Variants in SGK1 observed in about 807,000 individuals in gnomAD.
The protein encoded by SGK1 is serine/threonine-protein kinase Sgk1.
In SGK1, 26 loss-of-function variants were observed where a neutral mutation model predicts 64.2. That is an observed-to-expected ratio of 0.40 (90% CI 0.30 to 0.56). SGK1 has a LOEUF of 0.56. SGK1 is among the 20% of genes least tolerant of loss of function. SGK1 has a pLI of 0.38. For missense variants in SGK1, 519 were observed against 645.6 expected (o/e 0.80, Z 2.12); for synonymous variants, 265 against 239.7 (o/e 1.11, Z -0.98).
chr6:134,213,786 G>T (rs1775932525), intron 2 of SGK1, among the ~76,000 whole-genome samples: 1 of 152,028 alleles, frequency 6.6e-6, no homozygotes, highest in Non-Finnish European at 1.5e-5. Flanking sequence ...CTGGAATAAG[G>T]ATTCAAGGAG....
At chr6:134,294,697 C>T (rs746053658) in intron 1 of SGK1, among the ~76,000 whole-genome samples, 1 of 152,086 alleles carries the variant, frequency 6.6e-6, no homozygotes, top group Non-Finnish European at 1.5e-5. Flanking sequence ...ACCCCCCCAA[C>T]CAGCTAATTT....
At chr6:134,171,872 T>C (rs572353972) in intron 10 of SGK1, 140 bp from the exon 11 acceptor site, 2 of 652,472 alleles carry the variant, frequency 3.1e-6, no homozygotes, top group African/African-American at 3.6e-5. Flanking sequence ...CTGATAAAAC[T>C]GCTGGACTTT....
intron 3 of SGK1, among the ~76,000 whole-genome samples, chr6:134,204,839 C>G (rs1281398628): frequency 6.6e-6 from 1 of 152,186 alleles, no homozygotes; most frequent in Non-Finnish European, 1.5e-5. Flanking sequence ...CAGGCATGAG[C>G]CACCACACCC....
At chr6:134,242,658 T>C (rs1163022912) in intron 2 of SGK1, among the ~76,000 whole-genome samples, 1 of 151,634 alleles carries the variant, frequency 6.6e-6, no homozygotes, top group African/African-American at 2.4e-5. Flanking sequence ...AGAAATGGGG[T>C]CTTGCTATGT....
At chr6:134,279,293 G>A (rs1253003593) in intron 1 of SGK1, among the ~76,000 whole-genome samples, 6 of 152,060 alleles carry the variant, frequency 3.9e-5, no homozygotes, top group Admixed American at 6.6e-5. Flanking sequence ...TTAGCTGGAC[G>A]TGGTGGTGCG....
intron 2 of SGK1, among the ~76,000 whole-genome samples, chr6:134,243,830 G>C (rs1259857833): frequency 6.6e-6 from 1 of 151,948 alleles, no homozygotes; most frequent in African/African-American, 2.4e-5. Flanking sequence ...TGTTGTTTGT[G>C]GTTTTTAAGC....
chr6:134,294,200 T>C (rs1390198750), intron 1 of SGK1, among the ~76,000 whole-genome samples: 2 of 152,218 alleles, frequency 1.3e-5, no homozygotes, highest in Non-Finnish European at 2.9e-5. Context: ...TCCCATCTAA[T>C]ATACTGTGCT....
intron 2 of SGK1, among the ~76,000 whole-genome samples, chr6:134,247,801 T>G (rs1776547216): frequency 6.6e-6 from 1 of 152,204 alleles, no homozygotes; most frequent in South Asian, 2.1e-4. Flanking sequence ...TTATAGATAA[T>G]TTCAGCCTGT....
At chr6:134,191,504 C>CA (rs1390501163) in intron 3 of SGK1, among the ~76,000 whole-genome samples, 1 of 152,142 alleles carries the variant, frequency 6.6e-6, no homozygotes, top group Non-Finnish European at 1.5e-5. Flanking sequence ...TACACATTCT[C>CA]AAGGCGGGTA....
intron 2 of SGK1, among the ~76,000 whole-genome samples, chr6:134,219,355 C>G (rs918001038): frequency 6.6e-6 from 1 of 152,088 alleles, no homozygotes; most frequent in Non-Finnish European, 1.5e-5. Context: ...TGTCCAAACA[C>G]CCGTTTCCAC....
chr6:134,273,643 G>C (rs952019997), intron 1 of SGK1, among the ~76,000 whole-genome samples: 1 of 143,654 alleles, frequency 7.0e-6, no homozygotes, highest in Non-Finnish European at 1.5e-5. Context: ...AGGAAGCCAG[G>C]TGAAGAGAAA....
chr6:134,262,890 CTT>C (rs34337845), intron 1 of SGK1, among the ~76,000 whole-genome samples: 27 of 145,464 alleles, frequency 1.9e-4, no homozygotes, highest in African/African-American at 6.3e-4. Flanking sequence ...AAAAAAATAA[CTT>C]TTTTTTTTTT....
intron 2 of SGK1, among the ~76,000 whole-genome samples, chr6:134,241,532 C>T (rs533190995): frequency 2.6e-5 from 4 of 151,956 alleles, no homozygotes; most frequent in African/African-American, 4.8e-5. Context: ...TCTCCCTCCT[C>T]GGAATTTGTA....
At chr6:134,255,360 T>G (rs1776666480) in intron 2 of SGK1, among the ~76,000 whole-genome samples, 1 of 152,024 alleles carries the variant, frequency 6.6e-6, no homozygotes, top group African/African-American at 2.4e-5. Flanking sequence ...GGGGTAGATG[T>G]GGAGACATGG....
chr6:134,282,848 A>C (rs541386071), intron 1 of SGK1, among the ~76,000 whole-genome samples: 1 of 151,704 alleles, frequency 6.6e-6, no homozygotes, highest in Non-Finnish European at 1.5e-5. Context: ...GAGCCAATTC[A>C]TTGAAATAAA....
At chr6:134,273,447 G>C (rs1219451474) in intron 1 of SGK1, among the ~76,000 whole-genome samples, 1 of 148,510 alleles carries the variant, frequency 6.7e-6, no homozygotes, top group Non-Finnish European at 1.5e-5. Context: ...CAAAAAATTA[G>C]CCGGGCGTAG....
intron 2 of SGK1, among the ~76,000 whole-genome samples, chr6:134,257,430 CA>C (rs1405679682): frequency 6.6e-6 from 1 of 152,084 alleles, no homozygotes; most frequent in Non-Finnish European, 1.5e-5. Context: ...CAAAACAAAA[CA>C]AAAAACCCAC....
rs1775741308 is a variant in SGK1 at position 134,204,765 on chromosome 6, G to C, written c.361+2591C>G. Among the ~76,000 whole-genome samples the C allele has an allele frequency of 2.0e-5, 3 of 152,146 alleles. No individual in the cohort carries two copies. In the South Asian group the frequency reaches 6.2e-4, roughly 32 times the overall value. ...GAAGGGGTTTCACCATGTTGGCCAG[G>C]CTGGTCTCTAACTCCTGACCTCAGG... is the stretch of plus-strand genomic sequence containing the variant. On this transcript the variant is annotated intron_variant, in intron 3 of 13. Coordinates refer to ENST00000367858, the MANE Select transcript of SGK1 (RefSeq NM_001143676.3).
chr6:134,242,442 C>T (rs1263501927), intron 2 of SGK1, among the ~76,000 whole-genome samples: 2 of 151,448 alleles, frequency 1.3e-5, no homozygotes, highest in East Asian at 1.9e-4. Flanking sequence ...GCTGAGATCG[C>T]GCCATTGCAC....
Sources: allele counts gnomAD v4.1 joint callset (sites outside exome capture counted in the v4.1 genomes callset), GRCh38; gene constraint gnomAD v4.1.1; transcripts MANE v1.5; gene names NCBI Gene and HGNC (gene_info 2026-07-23, HGNC 2026-07-21).